Variants in GRIA4 observed in about 807,000 individuals in gnomAD.
The protein encoded by GRIA4 is glutamate ionotropic receptor AMPA type subunit 4.
GRIA4 carries 34 observed loss-of-function variants against 104.0 expected under a neutral mutation model. The ratio of observed to expected loss-of-function variants is 0.33; its 90% CI spans 0.25 to 0.44. The LOEUF is 0.44. Ranked by LOEUF, GRIA4 falls within the 20% of genes least tolerant of loss-of-function variation. The pLI is 1.00. For synonymous variants in GRIA4, 386 were observed against 381.9 expected (o/e 1.01, Z -0.13); for missense variants, 750 against 1,096.5 (o/e 0.68, Z 4.46).
Position 105,958,725 on chromosome 11 carries a change from T to C in GRIA4, c.2295-13189T>C, listed in dbSNP as rs577718186. On this transcript the variant is annotated intron_variant, in intron 14 of 16. Coordinates refer to ENST00000282499, the MANE Select transcript of GRIA4 (RefSeq NM_000829.4). ...TCTTTGTACCTCTGGTAGAATTCGGTATGGTTTTGCAGTGGCTGGTACTGG... is the reference window on the plus strand; with the variant it reads ...TCTTTGTACCTCTGGTAGAATTCGGCATGGTTTTGCAGTGGCTGGTACTGG... 2.6e-4 allele frequency among the ~76,000 whole-genome samples: 40 copies of C among 151,954 alleles called. 1 individual carries two copies. The South Asian group carries it at 7.3e-3, about 28-fold the overall frequency.
At chr11:105,773,662 T>C (rs1941318454) in intron 4 of GRIA4, among the ~76,000 whole-genome samples, 2 of 151,702 alleles carry the variant, frequency 1.3e-5, no homozygotes, top group Admixed American at 6.6e-5. Flanking sequence ...AGGCAGGAGG[T>C]AGGGACACCA....
chr11:105,901,988 A>G (rs1330533631), intron 7 of GRIA4, among the ~76,000 whole-genome samples: 3 of 152,158 alleles, frequency 2.0e-5, no homozygotes, highest in Non-Finnish European at 4.4e-5. Flanking sequence ...TCTCTACTCA[A>G]AGATGTGTTG....
At chr11:105,755,833 G>A (rs1461115656) in intron 4 of GRIA4, among the ~76,000 whole-genome samples, 1 of 152,090 alleles carries the variant, frequency 6.6e-6, no homozygotes, top group Non-Finnish European at 1.5e-5. Flanking sequence ...TTCTGCCCTT[G>A]GACATCGGTG....
At chr11:105,886,566 G>A (rs916353318) in intron 5 of GRIA4, among the ~76,000 whole-genome samples, 1 of 144,458 alleles carries the variant, frequency 6.9e-6, no homozygotes, top group Non-Finnish European at 1.5e-5. Context: ...ATTTTAAAAC[G>A]GTTTTCCTAC....
chr11:105,913,478 T>C lies in GRIA4; in HGVS notation c.1269+2933T>C, dbSNP rs562466287. 723 of 545,710 alleles carry C rather than the reference T, an allele frequency of 1.3e-3. 1 individual carries two copies. Among genetic ancestry groups the C allele is most frequent in the Middle Eastern group, 2.8e-3 (3 of 1,068 alleles). The allele number at this position is 545,710 out of a possible 1,614,324, so 33.8% of individuals were successfully genotyped here. A position where few individuals can be genotyped will look rare whatever the true frequency, so the allele number is the denominator to read the frequency against. ...TAAGTCTTGTTGACTAAAAATGTTA[T>C]AAAATCAATAAAATTTATAAGACTG... is the stretch of plus-strand genomic sequence containing the variant. On this transcript the variant is annotated intron_variant, in intron 10 of 16. Coordinates refer to ENST00000282499, the MANE Select transcript of GRIA4 (RefSeq NM_000829.4).
chr11:105,796,649 T>C (rs1942490179), intron 4 of GRIA4, among the ~76,000 whole-genome samples: 1 of 152,156 alleles, frequency 6.6e-6, no homozygotes, highest in African/African-American at 2.4e-5. Context: ...AGTTTATTCA[T>C]ATGGGAAACT....
At position 105,937,886 on chromosome 11, in the gene GRIA4, C is replaced by T. The variant is rs1042339360; in HGVS notation, c.2294+3917C>T. ...TTGGCAATGCCAAATTGCAGGAACCCATGGCAACAGGAACCGATCCATTGA... is the reference window on the plus strand; with the variant it reads ...TTGGCAATGCCAAATTGCAGGAACCTATGGCAACAGGAACCGATCCATTGA... On this transcript the variant is annotated intron_variant, in intron 14 of 16. Transcript: ENST00000282499. Among the ~76,000 whole-genome samples, 10 of 152,280 alleles carry T rather than the reference C, an allele frequency of 6.6e-5. No homozygotes were observed. The Middle Eastern group carries it at 0.02, about 311-fold the overall frequency.
chr11:105,660,770 A>C (rs2135409920), intron 3 of GRIA4, among the ~76,000 whole-genome samples: 1 of 151,672 alleles, frequency 6.6e-6, no homozygotes, highest in Admixed American at 6.6e-5. Flanking sequence ...GTCCATGAAA[A>C]ACTCCAAGAC....
At chr11:105,764,687 T>A (rs371051577) in intron 4 of GRIA4, among the ~76,000 whole-genome samples, 1 of 152,150 alleles carries the variant, frequency 6.6e-6, no homozygotes, top group African/African-American at 2.4e-5. Flanking sequence ...AAAATGGCTG[T>A]TGAACTAGAA....
Position 105,924,548 on chromosome 11 carries a change from T to C in GRIA4, c.1626T>C (p.Pro542=). Residue 542 remains proline (P), a synonymous_variant, in exon 12 of 17, where the codon CCT becomes CCC. Coordinates refer to ENST00000282499, the MANE Select transcript of GRIA4 (RefSeq NM_000829.4). The stretch of plus-strand genomic sequence containing the variant: ...CAGGAGTGTTTTCCTTCTTGGATCC[T>C]CTGGCCTATGAGATTTGGATGTGCA... The part of the protein sequence containing the change: ...SKPGVFSFLD[P]LAYEIWMCIV... 1 of 1,613,256 alleles carries C rather than the reference T, an allele frequency of 6.2e-7. No homozygotes were observed. Among genetic ancestry groups the C allele is most frequent in the African/African-American group, 1.3e-5 (1 of 74,994 alleles).
chr11:105,916,943 A>G (rs1400730190), intron 10 of GRIA4, among the ~76,000 whole-genome samples: 2 of 152,200 alleles, frequency 1.3e-5, no homozygotes, highest in Admixed American at 1.3e-4. Flanking sequence ...TCCATATTTT[A>G]AAAAGGTTAT....
chr11:105,802,802 G>A (rs1312769984), intron 4 of GRIA4, among the ~76,000 whole-genome samples: 1 of 150,850 alleles, frequency 6.6e-6, no homozygotes, highest in African/African-American at 2.4e-5. Flanking sequence ...TTTTTTATTT[G>A]TTTATTTCAA....
intron 7 of GRIA4, among the ~76,000 whole-genome samples, chr11:105,902,339 T>TC (rs910304248): frequency 1.3e-5 from 2 of 151,930 alleles, no homozygotes; most frequent in African/African-American, 4.8e-5. Flanking sequence ...TCTTTTTTTT[T>TC]TTTCTTTCTG....
chr11:105,718,443 C>T (rs1467006464), intron 3 of GRIA4, among the ~76,000 whole-genome samples: 2 of 152,178 alleles, frequency 1.3e-5, no homozygotes, highest in Non-Finnish European at 2.9e-5. Flanking sequence ...TGTTGTGATG[C>T]TTTGCGTAAA....
At chr11:105,736,842 TTTAAGA>T (rs1250156810) in intron 3 of GRIA4, among the ~76,000 whole-genome samples, 2 of 152,092 alleles carry the variant, frequency 1.3e-5, no homozygotes, top group Non-Finnish European at 2.9e-5. Context: ...TTTTAATGCC[TTTAAGA>T]TTAAGATTAT....
At chr11:105,822,077 G>A (rs1392237497) in intron 4 of GRIA4, among the ~76,000 whole-genome samples, 6 of 152,162 alleles carry the variant, frequency 3.9e-5, no homozygotes, top group African/African-American at 1.4e-4. Flanking sequence ...GAAATGCTTA[G>A]CTTTAAGCCA....
chr11:105,625,640 C>A (rs1015302099), intron 3 of GRIA4, among the ~76,000 whole-genome samples: 3 of 152,092 alleles, frequency 2.0e-5, no homozygotes, highest in African/African-American at 7.2e-5. Context: ...CTCCACATTC[C>A]TGACACTCAT....
intron 3 of GRIA4, among the ~76,000 whole-genome samples, chr11:105,752,555 G>A (rs1258605868): frequency 6.6e-6 from 1 of 152,112 alleles, no homozygotes; most frequent in Non-Finnish European, 1.5e-5. Flanking sequence ...TATTATAAAT[G>A]TTCCTTCAAT....
chr11:105,746,658 T>A (rs967582241), intron 3 of GRIA4, among the ~76,000 whole-genome samples: 5 of 152,148 alleles, frequency 3.3e-5, no homozygotes, highest in Non-Finnish European at 5.9e-5. Context: ...CCATAGATTA[T>A]GGATTCTATA....
Sources: allele counts gnomAD v4.1 joint callset (sites outside exome capture counted in the v4.1 genomes callset), GRCh38; gene constraint gnomAD v4.1.1; transcripts MANE v1.5; gene names NCBI Gene and HGNC (gene_info 2026-07-23, HGNC 2026-07-21).